Variants in CPED1 observed in about 807,000 individuals in gnomAD.
CPED1 encodes cadherin-like and PC-esterase domain-containing protein 1.
A neutral mutation model predicts 128.2 loss-of-function variants in CPED1; 114 were observed. The observed-to-expected ratio is 0.89, with a 90% CI of 0.76 to 1.04. CPED1 has a LOEUF of 1.04. CPED1 is among the 50% of genes least tolerant of loss of function. The pLI, the probability that CPED1 is intolerant of heterozygous loss-of-function variation, is 0.00. For missense variants in CPED1, 1,211 were observed against 1,207.1 expected (o/e 1.00, Z -0.05); for synonymous variants, 462 against 426.7 (o/e 1.08, Z -1.02).
chr7:121,028,112 T>C (rs1792641561), intron 3 of CPED1, among the ~76,000 whole-genome samples: 1 of 152,162 alleles, frequency 6.6e-6, no homozygotes, highest in Non-Finnish European at 1.5e-5. Flanking sequence ...TTGGCATGCG[T>C]CAGTGTTCTC....
At chr7:121,172,667 T>TAGATAGATAGATAGAC (rs1295418012) in intron 16 of CPED1, among the ~76,000 whole-genome samples, 90 of 148,760 alleles carry the variant, frequency 6.1e-4, no homozygotes, top group East Asian at 9.8e-4. Context: ...GATACATAGA[T>TAGATAGATAGATAGAC]AGATAGATAG....
At chr7:121,156,826 C>T (rs991786782) in intron 16 of CPED1, among the ~76,000 whole-genome samples, 1 of 152,156 alleles carries the variant, frequency 6.6e-6, no homozygotes, top group African/African-American at 2.4e-5. Context: ...TGTGATCTCT[C>T]ATGGCTCGTA....
intron 22 of CPED1, among the ~76,000 whole-genome samples, chr7:121,278,035 G>A (rs933928022): frequency 7.2e-5 from 11 of 152,222 alleles, no homozygotes; most frequent in African/African-American, 2.4e-4. Context: ...AAGCAGGGGA[G>A]TCCTTTCTGA....
At chr7:121,099,871 T>C (rs910452805) in intron 6 of CPED1, 55 bp from the exon 7 acceptor site, 2 of 1,559,522 alleles carry the variant, frequency 1.3e-6, no homozygotes, top group African/African-American at 2.8e-5. Flanking sequence ...AATTTACAAA[T>C]TATGTACTCA....
At chr7:121,255,614 TCAAA>T (rs1488598262) in intron 18 of CPED1, among the ~76,000 whole-genome samples, 1 of 151,826 alleles carries the variant, frequency 6.6e-6, no homozygotes, top group Admixed American at 6.6e-5. Context: ...GGAAAAAAAG[TCAAA>T]CTAACTCTCT....
Position 121,267,224 on chromosome 7 carries a change from A to T in CPED1, c.2643A>T (p.Leu881Phe). The change falls in exon 21 of 23, where the codon TTA becomes TTT. Residue 881 changes from leucine to phenylalanine, a missense_variant. Coordinates refer to ENST00000310396, the MANE Select transcript of CPED1 (RefSeq NM_024913.5). ...TAATTATCTCATTCAGGGAAAATTT[A>T]CTCAATATCCTAGTGATCATCAAAA... ...IIHKVLKREN[L>F]LNILVIIKTL... 6.4e-7 allele frequency: 1 copy of T among 1,568,790 alleles called. No homozygotes were observed. The highest frequency in any genetic ancestry group is 8.7e-7 in the Non-Finnish European group (1 of 1,146,902).
chr7:121,290,366 C>G (rs909979868), intron 22 of CPED1, among the ~76,000 whole-genome samples: 1 of 152,164 alleles, frequency 6.6e-6, no homozygotes, highest in Non-Finnish European at 1.5e-5. Flanking sequence ...GTTCTAGATC[C>G]TTGAGGAATC....
intron 22 of CPED1, among the ~76,000 whole-genome samples, chr7:121,290,378 CCA>C (rs941411064): frequency 6.6e-6 from 1 of 152,194 alleles, no homozygotes; most frequent in African/African-American, 2.4e-5. Context: ...TGAGGAATCA[CCA>C]CACTGTCTTC....
chr7:121,111,568 C>T (rs182948966), intron 7 of CPED1, among the ~76,000 whole-genome samples: 17 of 152,258 alleles, frequency 1.1e-4, no homozygotes, highest in Admixed American at 5.9e-4. Flanking sequence ...AAGGTGAGAA[C>T]ATGCTTAGGA....
chr7:121,218,834 A>AAG (rs1797817876), intron 16 of CPED1, among the ~76,000 whole-genome samples: 2 of 152,112 alleles, frequency 1.3e-5, no homozygotes, highest in African/African-American at 4.8e-5. Flanking sequence ...CTAAACATGT[A>AAG]TCCCAGAACT....
At chr7:120,991,054 C>G (rs948267460) in intron 2 of CPED1, among the ~76,000 whole-genome samples, 1 of 152,168 alleles carries the variant, frequency 6.6e-6, no homozygotes, top group Non-Finnish European at 1.5e-5. Context: ...CTGCTTGGTT[C>G]CTACTGCAGG....
intron 16 of CPED1, among the ~76,000 whole-genome samples, chr7:121,230,917 A>G (rs960717969): frequency 3.9e-5 from 6 of 152,030 alleles, no homozygotes; most frequent in East Asian, 1.9e-4. Context: ...TATCTGTCAT[A>G]GTTATATTGA....
At chr7:120,993,337 T>G (rs1364015216) in intron 2 of CPED1, among the ~76,000 whole-genome samples, 1 of 152,210 alleles carries the variant, frequency 6.6e-6, no homozygotes, top group Non-Finnish European at 1.5e-5. Context: ...AATACATTTA[T>G]ACTCACCATA....
chr7:121,252,467 G>A (rs1798702789), intron 18 of CPED1, among the ~76,000 whole-genome samples: 2 of 151,428 alleles, frequency 1.3e-5, no homozygotes, highest in Admixed American at 1.3e-4. Context: ...ATTGACAAAT[G>A]GGATCTAATT....
At chr7:121,007,946 G>T (rs1311109511) in intron 2 of CPED1, among the ~76,000 whole-genome samples, 1 of 149,372 alleles carries the variant, frequency 6.7e-6, no homozygotes, top group Non-Finnish European at 1.5e-5. Flanking sequence ...TTATGGTTTA[G>T]TGACTCAGGT....
intron 16 of CPED1, among the ~76,000 whole-genome samples, chr7:121,229,954 G>A (rs570211576): frequency 2.6e-4 from 39 of 152,130 alleles, no homozygotes; most frequent in African/African-American, 7.5e-4. Flanking sequence ...GTGAAGACTG[G>A]ATGGAGATTA....
chr7:121,026,840 T>TTG (rs1369211415), intron 3 of CPED1, among the ~76,000 whole-genome samples: 2 of 145,134 alleles, frequency 1.4e-5, no homozygotes, highest in African/African-American at 2.5e-5. Context: ...TTTTTTTTTT[T>TTG]TTTTTTTTTT....
At chr7:121,138,028 G>A (rs1795822070) in intron 14 of CPED1, among the ~76,000 whole-genome samples, 2 of 151,898 alleles carry the variant, frequency 1.3e-5, no homozygotes, top group African/African-American at 4.8e-5. Context: ...CTTTAACTTC[G>A]TTCATGTTTT....
intron 5 of CPED1, among the ~76,000 whole-genome samples, chr7:121,079,722 C>T (rs1008532902): frequency 1.3e-5 from 2 of 152,214 alleles, no homozygotes; most frequent in African/African-American, 4.8e-5. Context: ...GCTGAATAAC[C>T]CCTCTGCTCT....
Sources: allele counts gnomAD v4.1 joint callset (sites outside exome capture counted in the v4.1 genomes callset), GRCh38; gene constraint gnomAD v4.1.1; transcripts MANE v1.5; gene names NCBI Gene and HGNC (gene_info 2026-07-23, HGNC 2026-07-21).